The following TANC2 variants were observed in gnomAD, a reference collection of about 807,000 sequenced individuals.
The protein encoded by TANC2 is protein TANC2.
A neutral mutation model predicts 210.5 loss-of-function variants in TANC2; 26 were observed. The observed-to-expected ratio is 0.12, with a 90% CI of 0.09 to 0.17. TANC2 has a LOEUF of 0.17. TANC2 is among the 10% of genes least tolerant of loss of function. The pLI is 1.00. For synonymous variants in TANC2, 931 were observed against 967.1 expected, an observed-to-expected ratio of 0.96 and a Z score of 0.69; for missense variants, 2,129 against 2,608.9, an observed-to-expected ratio of 0.82 and a Z score of 4.01.
intron 1 of TANC2, among the ~76,000 whole-genome samples, chr17:63,003,977 A>T (rs999019099): frequency 1.3e-5 from 2 of 152,136 alleles, no homozygotes; most frequent in African/African-American, 4.8e-5. Flanking sequence ...GGACATGGGC[A>T]GACAATCATT....
intron 8 of TANC2, among the ~76,000 whole-genome samples, chr17:63,244,292 C>T (rs930103626): frequency 4.6e-5 from 7 of 152,180 alleles, no homozygotes; most frequent in Non-Finnish European, 8.8e-5. Flanking sequence ...GGACTATTTC[C>T]ACCTCTTGGT....
chr17:63,025,897 G>A (rs562950037), intron 2 of TANC2, among the ~76,000 whole-genome samples: 4 of 151,858 alleles, frequency 2.6e-5, no homozygotes, highest in Non-Finnish European at 5.9e-5. Flanking sequence ...AGGTACCTAT[G>A]TCCTTCCATG....
At chr17:63,099,493 T>TA (rs3060701) in intron 4 of TANC2, 136 bp downstream of exon 4, 115,619 of 353,230 alleles carry the variant, frequency 0.33, 15,723 homozygotes, top group African/African-American at 0.65. Flanking sequence ...CTCTTGACAC[T>TA]AAAAAAAAAA....
chr17:63,400,508 C>T (rs1014482445), intron 19 of TANC2, among the ~76,000 whole-genome samples: 3 of 151,904 alleles, frequency 2.0e-5, no homozygotes, highest in African/African-American at 7.3e-5. Flanking sequence ...TTTAAAAAAT[C>T]AAAACTTCAT....
chr17:63,280,446 A>G (rs566860360), intron 9 of TANC2, among the ~76,000 whole-genome samples: 1 of 152,092 alleles, frequency 6.6e-6, no homozygotes, highest in Non-Finnish European at 1.5e-5. Flanking sequence ...AGTAAATATC[A>G]TATCTTCTTA....
At chr17:63,223,499 C>T (rs16946805) in intron 7 of TANC2, among the ~76,000 whole-genome samples, 58 of 151,932 alleles carry the variant, frequency 3.8e-4, no homozygotes, top group Non-Finnish European at 7.1e-4. Context: ...AGTAGCAGTC[C>T]GAAGCAGGAG....
intron 5 of TANC2, among the ~76,000 whole-genome samples, chr17:63,170,698 T>A (rs1336228906): frequency 2.0e-5 from 3 of 152,188 alleles, no homozygotes; most frequent in Non-Finnish European, 2.9e-5. Flanking sequence ...GAATCCCCAT[T>A]AAATTCTGGG....
At chr17:63,334,176 A>C (rs1173740005) in intron 11 of TANC2, 1 of 152,224 alleles carries the variant, frequency 6.6e-6, no homozygotes, top group East Asian at 1.9e-4. Flanking sequence ...ACTGGTGTCC[A>C]CATCTTTTTT....
intron 5 of TANC2, among the ~76,000 whole-genome samples, chr17:63,186,589 G>A (rs1457409565): frequency 6.6e-6 from 1 of 151,890 alleles, no homozygotes; most frequent in African/African-American, 2.4e-5. Flanking sequence ...CTGACCTCAG[G>A]TGATCCACCC....
At chr17:63,073,149 C>CATA (rs970533680) in intron 2 of TANC2, among the ~76,000 whole-genome samples, 4 of 151,870 alleles carry the variant, frequency 2.6e-5, no homozygotes, top group African/African-American at 9.7e-5. Flanking sequence ...GTGTATAGAC[C>CATA]ACTATGTTAA....
At chr17:63,110,088 T>C (rs1249036021) in intron 4 of TANC2, among the ~76,000 whole-genome samples, 1 of 151,726 alleles carries the variant, frequency 6.6e-6, no homozygotes, top group Non-Finnish European at 1.5e-5. Context: ...TTACTCTTCC[T>C]TGTGACCCCT....
chr17:63,357,301 C>A (rs1001757063), intron 14 of TANC2, among the ~76,000 whole-genome samples: 22 of 152,180 alleles, frequency 1.4e-4, no homozygotes, highest in African/African-American at 5.1e-4. Context: ...AGTATCCTTA[C>A]AACAGATGAA....
intron 14 of TANC2, 57 bp from the exon 15 acceptor site, chr17:63,379,661 T>TC: frequency 2.2e-6 from 3 of 1,336,894 alleles, no homozygotes; most frequent in Admixed American, 2.2e-5. Flanking sequence ...AGAGTGAGAC[T>TC]CCATCTCAAT....
At chr17:63,350,938 T>G (rs2046587142) in intron 12 of TANC2, among the ~76,000 whole-genome samples, 1 of 151,412 alleles carries the variant, frequency 6.6e-6, no homozygotes, top group Admixed American at 6.6e-5. Flanking sequence ...AGAGAAAAAT[T>G]ACTTCCCATG....
chr17:62,971,007 T>C (rs181680539), intron 1 of TANC2, among the ~76,000 whole-genome samples: 3 of 152,328 alleles, frequency 2.0e-5, no homozygotes, highest in East Asian at 3.9e-4. Flanking sequence ...TTAATGTGCC[T>C]GTAGTCATCA....
chr17:63,238,158 C>A, intron 8 of TANC2, 81 bp downstream of exon 8: 1 of 1,405,264 alleles, frequency 7.1e-7, no homozygotes, highest in Non-Finnish European at 9.3e-7. Context: ...GAAAATAAAT[C>A]CTGCTCTGAC....
At chr17:63,413,469 T>A in intron 24 of TANC2, 74 bp from the exon 25 acceptor site, 1 of 1,227,966 alleles carries the variant, frequency 8.1e-7, no homozygotes, top group East Asian at 2.8e-5. Flanking sequence ...CCCTAGGGTA[T>A]TTTTTTCACC....
intron 5 of TANC2, among the ~76,000 whole-genome samples, chr17:63,159,335 G>T (rs756145738): frequency 6.6e-6 from 1 of 152,132 alleles, no homozygotes; most frequent in Non-Finnish European, 1.5e-5. Flanking sequence ...CTGTCAGGAA[G>T]TTTTCTGAAG....
intron 1 of TANC2, among the ~76,000 whole-genome samples, chr17:63,008,964 C>G (rs903043713): frequency 6.6e-6 from 1 of 152,074 alleles, no homozygotes; most frequent in African/African-American, 2.4e-5. Flanking sequence ...TTCTATTGCT[C>G]TGCATCCTCA....
Sources: gnomAD v4.1 joint callset for allele counts (sites outside exome capture counted in the v4.1 genomes callset) on GRCh38, gnomAD v4.1.1 for gene constraint, MANE v1.5 for transcripts, NCBI Gene and HGNC (gene_info 2026-07-23, HGNC 2026-07-21) for gene names.